Variants in FGD1 observed in about 807,000 individuals in gnomAD.
FGD1 encodes FYVE, RhoGEF and PH domain-containing protein 1.
In FGD1, 12 loss-of-function variants were observed where a neutral mutation model predicts 65.0. The observed-to-expected ratio is 0.18, with a 90% CI of 0.12 to 0.30. The LOEUF (loss-of-function observed/expected upper bound fraction) is 0.30, where lower values mean the gene tolerates loss of function less well. Among genes scored for constraint, FGD1 ranks in the 10% least tolerant of loss-of-function variants. FGD1 has a pLI of 1.00. For missense variants in FGD1, 542 were observed against 837.6 expected (o/e 0.65, Z 4.36); for synonymous variants, 333 against 343.9 (o/e 0.97, Z 0.35).
chrX:54,450,919 C>T (rs1922360217), intron 12 of FGD1, among the ~76,000 whole-genome samples: 1 of 109,877 alleles, frequency 9.1e-6, no homozygotes, highest in Non-Finnish European at 1.9e-5. Flanking sequence ...CGTGATGGCT[C>T]ATGCCTGTAG....
chrX:54,495,034 G>A (rs1041063875), intron 1 of FGD1, 92 bp downstream of exon 1: 177 of 976,636 alleles, frequency 1.8e-4, no homozygotes, highest in Non-Finnish European at 2.3e-4. Flanking sequence ...AGCCTGTTCC[G>A]AGGTGGGGCT....
intron 12 of FGD1, 55 bp downstream of exon 12, chrX:54,455,393 A>G (rs1204785296): frequency 6.3e-6 from 6 of 958,874 alleles, no homozygotes; most frequent in African/African-American, 5.8e-5. Context: ...GCCTCAGCAT[A>G]TCTGAACAAA....
rs1401996796 is a variant in FGD1, at chrX:54,465,766, C to T, written c.1427G>A (p.Arg476Gln). Residue 476 changes from arginine (R) to glutamine (Q), a missense_variant, in exon 7 of 18, where the codon CGG becomes CAG. Around this residue, in one of 6 missense-constraint regions of FGD1, gnomAD observed 41 missense variants for 109.5 expected, o/e 0.37. Coordinates refer to ENST00000375135, the MANE Select transcript of FGD1 (RefSeq NM_004463.3). ...MYGEYVKNFD[R>Q]AVELVNTWTE... ...CCAGGTGTTGACCAGCTCCACGGCC[C>T]GGTCAAAGTTCTTCACATACTCACC... 1 of 1,211,099 alleles carries T rather than the reference C, an allele frequency of 8.3e-7. No individual in the cohort carries two copies.
chrX:54,450,634 G>A (rs1437076371), intron 12 of FGD1, among the ~76,000 whole-genome samples: 1 of 111,572 alleles, frequency 9.0e-6, no homozygotes, highest in Non-Finnish European at 1.9e-5. Flanking sequence ...CCCAGAGGAG[G>A]TGACATGCCC....
intron 1 of FGD1, among the ~76,000 whole-genome samples, chrX:54,489,883 G>T (rs1336849535): frequency 8.9e-6 from 1 of 112,079 alleles, no homozygotes; most frequent in Non-Finnish European, 1.9e-5. Context: ...ACATGCATAT[G>T]TATGTTCATC....
Position 54,450,255 on chromosome X carries a change from G to C in FGD1, c.2046+16C>G. ...AATACTCTTCTAGCCCCCTACCACA[G>C]AGCCTTGGATGTTACCTGGACCCAG... On this transcript the variant is annotated intron_variant, in intron 13 of 17. Coordinates refer to ENST00000375135, the MANE Select transcript of FGD1 (RefSeq NM_004463.3). 8.3e-7 allele frequency: 1 copy of C among 1,206,210 alleles called. No homozygotes were observed. The highest frequency in any genetic ancestry group is 1.1e-6 in the Non-Finnish European group (1 of 890,537).
At chrX:54,461,988 TCAGTGTGGGAAGAGTATTC>T (rs1922647145) in intron 8 of FGD1, among the ~76,000 whole-genome samples, 1 of 111,168 alleles carries the variant, frequency 9.0e-6, no homozygotes, top group African/African-American at 3.3e-5. Context: ...CTCTCAGGGC[TCAGTGTGGGAAGAGTATTC>T]CAGGTGGGAA....
In FGD1 at chrX:54,469,445, C is replaced by T. The variant is rs754952730; in HGVS notation, c.1102-569G>A. 1.4e-4 allele frequency among the ~76,000 whole-genome samples: 16 copies of T among 112,429 alleles called. No homozygotes were observed. The Admixed American group carries it at 1.5e-3, about 11-fold the overall frequency. ...TAAATGTTAATTAATCATTTATTCA[C>T]CCACTCAGTACACTATCAGCAAGGG... On this transcript the variant is annotated intron_variant, in intron 4 of 17. Coordinates refer to ENST00000375135, the MANE Select transcript of FGD1 (RefSeq NM_004463.3).
chrX:54,459,901 A>G (rs1601951653), intron 8 of FGD1, among the ~76,000 whole-genome samples: 2 of 109,651 alleles, frequency 1.8e-5, no homozygotes, highest in African/African-American at 6.6e-5. Context: ...AATTTCTTCA[A>G]CTCAGGCTGC....
At position 54,467,252 on chromosome X, in the gene FGD1, G is replaced by A. The variant is rs778652449; in HGVS notation, c.1340+532C>T. On this transcript the variant is annotated intron_variant, in intron 6 of 17. Transcript: ENST00000375135. ...ATTTGGCTCCTAACCTCATACTCCT[G>A]TAGGCTATGCTATTCTGTTGCAATT... is the stretch of plus-strand genomic sequence containing the variant. Among the ~76,000 whole-genome samples, 11 of 111,198 alleles carry A rather than the reference G, an allele frequency of 9.9e-5. No homozygotes were observed. The South Asian group carries it at 3.8e-3, about 38-fold the overall frequency.
rs1922485859 is a variant in FGD1, at chrX:54,455,715, G to A, written c.1912C>T (p.Arg638Cys). The A allele has an allele frequency of 3.4e-6, 4 of 1,191,701 alleles. No individual in the cohort carries two copies. Among genetic ancestry groups the A allele is most frequent in the East Asian group, 3.0e-5 (1 of 33,135 alleles). The change falls in exon 11 of 18, where the codon CGC (arginine) becomes TGC (cysteine). Residue 638 changes from arginine (R) to cysteine (C), a missense_variant. Arg to Cys is a radical substitution (Grantham distance 180). Transcript: ENST00000375135. ...ACCTCCATGCCATCTACATCAATGC[G>A]TGCCCGCACGCTAAACTTCTGGCCA... Reference protein sequence around the residue: ...LLGQKFSVRARIDVDGMELKE... With the variant: ...LLGQKFSVRACIDVDGMELKE...
In FGD1 at chrX:54,446,172, C is replaced by G. The variant is rs201361000; in HGVS notation, c.2823G>C (p.Pro941=). Residue 941 remains proline (P), a synonymous_variant, in exon 18 of 18, where the codon CCG becomes CCC. Coordinates refer to ENST00000375135, the MANE Select transcript of FGD1 (RefSeq NM_004463.3). ...LSEDREMEEA[P]VAALGATAEP... Reference sequence around the variant, plus strand: ...CAGCAGTGGCTCCTAAAGCAGCCACCGGTGCCTCCTCCATCTCCCTGTCCT... The same window carrying G: ...CAGCAGTGGCTCCTAAAGCAGCCACGGGTGCCTCCTCCATCTCCCTGTCCT... The G allele has an allele frequency of 4.1e-6, 5 of 1,209,301 alleles. No homozygotes were observed. The African/African-American group carries it at 5.2e-5, about 13-fold the overall frequency.
intron 1 of FGD1, among the ~76,000 whole-genome samples, chrX:54,475,957 C>T (rs960777376): frequency 3.6e-5 from 4 of 111,414 alleles, no homozygotes; most frequent in Admixed American, 9.6e-5. Flanking sequence ...TACCAGCTAC[C>T]GGGAGGCTGA....
intron 1 of FGD1, among the ~76,000 whole-genome samples, chrX:54,475,613 C>T (rs1335661609): frequency 1.8e-5 from 2 of 111,933 alleles, no homozygotes; most frequent in African/African-American, 3.2e-5. Flanking sequence ...GTCTCTCTGC[C>T]TACATTTCCC....
chrX:54,466,953 G>T (rs1014148430), intron 6 of FGD1, among the ~76,000 whole-genome samples: 3 of 110,338 alleles, frequency 2.7e-5, no homozygotes, highest in African/African-American at 9.9e-5. Context: ...ATTTTACCGT[G>T]TTAGCCAGGA....
chrX:54,454,734 C>G (rs1026685717), intron 12 of FGD1, among the ~76,000 whole-genome samples: 1 of 109,411 alleles, frequency 9.1e-6, no homozygotes, highest in Non-Finnish European at 1.9e-5. Flanking sequence ...TGTCATTGAC[C>G]AAAATGTTTT....
chrX:54,470,722 G>GCC lies in FGD1; in HGVS notation c.519_520insGG (p.Pro174GlyfsTer42). 1.9e-6 allele frequency: 1 copy of GCC among 538,227 alleles called. No homozygotes were observed. Among genetic ancestry groups the GCC allele is most frequent in the Non-Finnish European group, 2.8e-6 (1 of 356,030 alleles). The allele number at this position is 538,227 out of a possible 1,213,427, so 44.4% of individuals were successfully genotyped here. A position where few individuals can be genotyped will look rare whatever the true frequency, so the allele number is the denominator to read the frequency against. On this transcript the variant is annotated frameshift_variant, in exon 3 of 18. Coordinates refer to ENST00000375135, the MANE Select transcript of FGD1 (RefSeq NM_004463.3). LOFTEE classifies it high-confidence loss of function. ...GGGGGGATGGGCTCCAGTGGGGGGG[G>GCC]CATCCGGGGCATCTGCAGGTAGCTG...
intron 12 of FGD1, among the ~76,000 whole-genome samples, chrX:54,452,871 C>T (rs1200077928): frequency 9.0e-6 from 1 of 111,712 alleles, no homozygotes; most frequent in African/African-American, 3.3e-5. Context: ...CCCAGGCATC[C>T]GTATTTTTTA....
chrX:54,478,416 T>G (rs1366861292), intron 1 of FGD1, among the ~76,000 whole-genome samples: 1 of 110,314 alleles, frequency 9.1e-6, no homozygotes, highest in Non-Finnish European at 1.9e-5. Flanking sequence ...GTCACTAATT[T>G]ATAAAACTAT....
Sources: gnomAD v4.1 joint callset for allele counts (sites outside exome capture counted in the v4.1 genomes callset) on GRCh38, gnomAD v4.1.1 for gene constraint, gnomAD v4.1.1 regional missense constraint, MANE v1.5 for transcripts, NCBI Gene and HGNC (gene_info 2026-07-23, HGNC 2026-07-21) for gene names.